ICAM5: variants seen among roughly 807,000 people sequenced by gnomAD.
The protein encoded by ICAM5 is ICAM-5.
ICAM5 carries 38 observed loss-of-function variants against 78.8 expected under a neutral mutation model. That is an observed-to-expected ratio of 0.48 (90% CI 0.37 to 0.63). The LOEUF is 0.63. Among genes scored for constraint, ICAM5 ranks in the 30% least tolerant of loss-of-function variants. ICAM5 has a pLI of 0.00. For synonymous variants in ICAM5, 544 were observed against 590.9 expected (o/e 0.92, Z 1.15); for missense variants, 1,059 against 1,303.0 (o/e 0.81, Z 2.88).
At position 10,294,276 on chromosome 19, in the gene ICAM5, C is replaced by A. The variant is rs1266249015; in HGVS notation, c.1948C>A (p.Arg650Ser). ...PGIYVCNATN[R>S]HGSVAKTVVV... The stretch of plus-strand genomic sequence containing the variant: ...TATCTACGTCTGCAACGCCACCAAC[C>A]GCCACGGCTCCGTGGCCAAAACAGT... Residue 650 changes from arginine to serine, a missense_variant, in exon 8 of 11, where the codon CGC (arginine) becomes AGC (serine). Arg to Ser is a moderately radical substitution (Grantham distance 110). Coordinates refer to ENST00000221980, the MANE Select transcript of ICAM5 (RefSeq NM_003259.4). The surrounding 1 kb of genome is among the most constrained non-coding windows in gnomAD (Gnocchi z 7.7). 1 of 1,613,544 alleles carries A rather than the reference C, an allele frequency of 6.2e-7. No individual in the cohort carries two copies. Among genetic ancestry groups the A allele is most frequent in the Middle Eastern group, 1.7e-4 (1 of 6,060 alleles).
chr19:10,293,787 GTACCGCCGCC>G lies in ICAM5; in HGVS notation c.1557_1566del (p.Pro520MetfsTer2). 1 of 1,613,836 alleles carries G rather than the reference GTACCGCCGCC, an allele frequency of 6.2e-7. No homozygotes were observed. The highest frequency in any genetic ancestry group is 8.5e-7 in the Non-Finnish European group (1 of 1,180,036). ...CTCGCTGAGCTGTGTGGCGCACGGGGTACCGCCGCCTGATGTGATCTGCGTGCGCTCTGGA... is the reference window on the plus strand; with the variant it reads ...CTCGCTGAGCTGTGTGGCGCACGGGGTGATGTGATCTGCGTGCGCTCTGGA... On this transcript the variant is annotated frameshift_variant, in exon 7 of 11. Coordinates refer to ENST00000221980, the MANE Select transcript of ICAM5 (RefSeq NM_003259.4). LOFTEE classifies it high-confidence loss of function. This position sits in a 1 kb window ranked among gnomAD's most constrained non-coding sequence, Gnocchi z 5.0.
rs710845 is a variant in ICAM5, at chr19:10,296,493, G to C, written c.2652G>C (p.Leu884=). ...EAESSGEAVC[L]NGAGGGAGGA... is the part of the protein sequence containing the mutation. ...AGAGCTCAGGCGAGGCCGTGTGTCT[G>C]AACGGAGCGGGCGGCGGCGCTGGCG... The change falls in exon 11 of 11, where the codon CTG becomes CTC. Residue 884 remains leucine (L), a synonymous_variant. Transcript: ENST00000221980. The C allele has an allele frequency of 0.55, 694,994 of 1,271,190 alleles. 191,409 individuals are homozygous for C. Among genetic ancestry groups the C allele is most frequent in the Admixed American group, 0.62 (15,911 of 25,598 alleles). The allele number at this position is 1,271,190 out of a possible 1,614,324, so 78.7% of individuals were successfully genotyped here. A position where few individuals can be genotyped will look rare whatever the true frequency, so the allele number is the denominator to read the frequency against.
In ICAM5 at chr19:10,292,653, T is replaced by A; in HGVS notation, c.1003T>A (p.Ser335Thr). 1 of 1,599,200 alleles carries A rather than the reference T, an allele frequency of 6.3e-7. No homozygotes were observed. Among genetic ancestry groups the A allele is most frequent in the Non-Finnish European group, 8.5e-7 (1 of 1,172,970 alleles). Residue 335 changes from serine (S) to threonine (T), a missense_variant, in exon 5 of 11, where the codon TCC becomes ACC. Ser to Thr is a moderately conservative substitution (Grantham distance 58, BLOSUM62 1). This residue lies in a region of ICAM5 where 815 missense variants were observed against 952.8 expected (regional missense o/e 0.86). Transcript: ENST00000221980. ...CCTGACCCTGAGCGAACCCAGCGTC[T>A]CCGAGGGGCAGATGGTGACAGTAAC... ...PLLTLSEPSV[S>T]EGQMVTVTCA... is the part of the protein sequence containing the mutation.
At chr19:10,292,428 AGGGGCGGGGCAGGT>A in intron 4 of ICAM5, 106 bp downstream of exon 4, 1 of 1,361,176 alleles carries the variant, frequency 7.3e-7, no homozygotes, top group Non-Finnish European at 1.0e-6. Flanking sequence ...GCGTGGCCCG[AGGGGCGGGGCAGGT>A]GGGGGCGGAG....
Position 10,296,378 on chromosome 19 carries a change from GC to G in ICAM5, c.2538del (p.Ala847ArgfsTer38). 7.9e-7 allele frequency: 1 copy of G among 1,257,942 alleles called. No individual in the cohort carries two copies. The highest frequency in any genetic ancestry group is 1.0e-6 in the Non-Finnish European group (1 of 993,816). The allele number at this position is 1,257,942 out of a possible 1,614,324, so 77.9% of individuals were successfully genotyped here. On this transcript the variant is annotated frameshift_variant, in exon 11 of 11. Transcript: ENST00000221980. LOFTEE classifies it high-confidence loss of function. The part of the protein sequence containing the change: ...LWVAVGGAAG[G>X]AALLAAGAGL... ...GTCGCCGTGGGCGGCGCGGCGGGGG[GC>G]GCGGCGCTGCTGGCCGCGGGGGCCG...
At chr19:10,291,386 C>T in intron 2 of ICAM5, 45 bp downstream of exon 2, 1 of 1,606,818 alleles carries the variant, frequency 6.2e-7, no homozygotes, top group African/African-American at 1.3e-5. Context: ...CTCTCCCTCC[C>T]TCCCAGGCCC....
rs764591497 is a variant in ICAM5 at position 10,294,448 on chromosome 19, C to T, written c.2038C>T (p.Leu680=). ...ESTCPSHQTW[L]EGAEASALAC... is the part of the protein sequence containing the mutation. ...TACCTGCCCAAGTCACCAGACGTGG[C>T]TGGAAGGGGCTGAGGCTTCCGCGCT... Residue 680 remains leucine (L), a synonymous_variant, in exon 9 of 11, where the codon CTG becomes TTG. Transcript: ENST00000221980. This position sits in a 1 kb window ranked among gnomAD's most constrained non-coding sequence, Gnocchi z 7.7. The T allele has an allele frequency of 6.2e-7, 1 of 1,610,472 alleles. No homozygotes were observed. The highest frequency in any genetic ancestry group is 8.5e-7 in the Non-Finnish European group (1 of 1,178,842).
rs777087484 is a variant in ICAM5 at position 10,294,658 on chromosome 19, C to A, written c.2230+18C>A. Reference sequence around the variant, plus strand: ...CGTGGAATGTGAGTGGGGGCAGCACCGGATGGAGGGGACACGGTCCTCGGA... The same window carrying A: ...CGTGGAATGTGAGTGGGGGCAGCACAGGATGGAGGGGACACGGTCCTCGGA... On this transcript the variant is annotated intron_variant, in intron 9 of 10. Coordinates refer to ENST00000221980, the MANE Select transcript of ICAM5 (RefSeq NM_003259.4). This position sits in a 1 kb window ranked among gnomAD's most constrained non-coding sequence, Gnocchi z 7.7. 3 of 1,612,224 alleles carry A rather than the reference C, an allele frequency of 1.9e-6. No homozygotes were observed. Among genetic ancestry groups the A allele is most frequent in the African/African-American group, 1.3e-5 (1 of 74,876 alleles).
Position 10,291,262 on chromosome 19 carries a change from C to T in ICAM5, c.273C>T (p.Arg91=), listed in dbSNP as rs779073267. ...RWLARQLVDI[R]EPETQPVCFF... ...TGGCGCGGCAGCTGGTGGACATTCG[C>T]GAGCCGGAGACTCAGCCCGTCTGCT... The change falls in exon 2 of 11, where the codon CGC becomes CGT. Residue 91 remains arginine (R), a synonymous_variant. Coordinates refer to ENST00000221980, the MANE Select transcript of ICAM5 (RefSeq NM_003259.4). 1.2e-6 allele frequency: 2 copies of T among 1,612,234 alleles called. No homozygotes were observed. The highest frequency in any genetic ancestry group is 1.7e-6 in the Non-Finnish European group (2 of 1,179,930).
chr19:10,294,571 G>T lies in ICAM5; in HGVS notation c.2161G>T (p.Gly721Cys). ...EQQRVSREDAGTYHCVATNAH... is the reference protein window; with the variant it reads ...EQQRVSREDACTYHCVATNAH... ...GCAGCGCGTGTCCCGAGAGGACGCG[G>T]GCACTTACCACTGTGTGGCCACCAA... Residue 721 changes from glycine (G) to cysteine (C), a missense_variant, in exon 9 of 11, where the codon GGC becomes TGC. By Grantham distance (159) the Gly-to-Cys change is radical (BLOSUM62 -3). Around this residue, in one of 3 missense-constraint regions of ICAM5, gnomAD observed 135 missense variants for 230.2 expected, o/e 0.59. Coordinates refer to ENST00000221980, the MANE Select transcript of ICAM5 (RefSeq NM_003259.4). This position sits in a 1 kb window ranked among gnomAD's most constrained non-coding sequence, Gnocchi z 7.7. The T allele has an allele frequency of 6.2e-7, 1 of 1,612,840 alleles. No homozygotes were observed. Among genetic ancestry groups the T allele is most frequent in the Non-Finnish European group, 8.5e-7 (1 of 1,179,748 alleles).
Position 10,292,116 on chromosome 19 carries a change from A to T in ICAM5, c.755A>T (p.Asp252Val). The T allele has an allele frequency of 1.9e-6, 3 of 1,613,272 alleles. No individual in the cohort carries two copies. Among genetic ancestry groups the T allele is most frequent in the African/African-American group, 1.3e-5 (1 of 75,016 alleles). ...GSERPVSCTLDGLFPASEARV... is the reference protein window; with the variant it reads ...GSERPVSCTLVGLFPASEARV... The stretch of plus-strand genomic sequence containing the variant: ...GAAAGGCCCGTGAGCTGCACTCTGG[A>T]CGGACTGTTTCCAGCCTCAGAGGCC... The change falls in exon 4 of 11, where the codon GAC becomes GTC. Residue 252 changes from aspartate to valine, a missense_variant. Asp to Val is a radical substitution (Grantham distance 152). Coordinates refer to ENST00000221980, the MANE Select transcript of ICAM5 (RefSeq NM_003259.4).
rs760725113 is a variant in ICAM5, at chr19:10,293,828, C to A, written c.1596C>A (p.Leu532=). 1.9e-6 allele frequency: 3 copies of A among 1,613,086 alleles called. No individual in the cohort carries two copies. Among genetic ancestry groups the A allele is most frequent in the Non-Finnish European group, 2.5e-6 (3 of 1,180,018 alleles). ...TGATCTGCGTGCGCTCTGGAGAACTCGGGGCCGTCATCGAGGGGCTGTTGC... is the reference window on the plus strand; with the variant it reads ...TGATCTGCGTGCGCTCTGGAGAACTAGGGGCCGTCATCGAGGGGCTGTTGC... ...PDVICVRSGE[L]GAVIEGLLRV... is the part of the protein sequence containing the mutation. The change falls in exon 7 of 11, where the codon CTC becomes CTA. Residue 532 remains leucine (L), a synonymous_variant. Transcript: ENST00000221980. This position sits in a 1 kb window ranked among gnomAD's most constrained non-coding sequence, Gnocchi z 5.0.
At position 10,294,454 on chromosome 19, in the gene ICAM5, G is replaced by T; in HGVS notation, c.2044G>T (p.Gly682Trp). The part of the protein sequence containing the change: ...TCPSHQTWLE[G>W]AEASALACAA... ...CCCAAGTCACCAGACGTGGCTGGAA[G>T]GGGCTGAGGCTTCCGCGCTGGCCTG... The change falls in exon 9 of 11, where the codon GGG becomes TGG. Residue 682 changes from glycine (G) to tryptophan (W), a missense_variant. Physicochemically the swap from Gly to Trp is radical, Grantham distance 184. Around this residue, in one of 3 missense-constraint regions of ICAM5, gnomAD observed 815 missense variants for 952.8 expected, o/e 0.86. Transcript: ENST00000221980. The surrounding 1 kb of genome is among the most constrained non-coding windows in gnomAD (Gnocchi z 7.7). 1 of 1,609,166 alleles carries T rather than the reference G, an allele frequency of 6.2e-7. No individual in the cohort carries two copies. The highest frequency in any genetic ancestry group is 8.5e-7 in the Non-Finnish European group (1 of 1,178,052).
chr19:10,293,637 G>A lies in ICAM5; in HGVS notation c.1466-61G>A, dbSNP rs2040194815. The A allele has an allele frequency of 1.3e-6, 2 of 1,577,660 alleles. No individual in the cohort carries two copies. Among genetic ancestry groups the A allele is most frequent in the Admixed American group, 1.7e-5 (1 of 57,172 alleles). ...GTGGAAGCCTTGCCGCGCCAAGGAG[G>A]GTCTAGGGACGTCAGATTTGCCCCC... On this transcript the variant is annotated intron_variant, in intron 6 of 10. Transcript: ENST00000221980. The surrounding 1 kb of genome is among the most constrained non-coding windows in gnomAD (Gnocchi z 5.0).
chr19:10,293,310 A>G lies in ICAM5; in HGVS notation c.1465+64A>G. ...AAGGTCTGGAGGGTGGCCAGCCTCC[A>G]GGGAAGAGTAGGAGTAGGGTATGAG... On this transcript the variant is annotated intron_variant, in intron 6 of 10. Coordinates refer to ENST00000221980, the MANE Select transcript of ICAM5 (RefSeq NM_003259.4). This position sits in a 1 kb window ranked among gnomAD's most constrained non-coding sequence, Gnocchi z 5.0. The G allele has an allele frequency of 6.6e-7, 1 of 1,517,536 alleles. No individual in the cohort carries two copies. The highest frequency in any genetic ancestry group is 2.1e-5 in the Admixed American group (1 of 46,656). 94.0% of individuals were successfully genotyped at this position (1,517,536 alleles called of 1,614,324 possible).
chr19:10,291,646 C>T lies in ICAM5; in HGVS notation c.510C>T (p.Ala170=), dbSNP rs778145869. 6.2e-7 allele frequency: 1 copy of T among 1,611,778 alleles called. No individual in the cohort carries two copies. The highest frequency in any genetic ancestry group is 1.1e-5 in the South Asian group (1 of 91,016). Reference sequence around the variant, plus strand: ...AGGAGCTGATCCGCCGCAGCTTCGCCGGTGAACCACCCCGAGCGCGGGGCG... The same window carrying T: ...AGGAGCTGATCCGCCGCAGCTTCGCTGGTGAACCACCCCGAGCGCGGGGCG... ...GAQELIRRSF[A]GEPPRARGAV... Residue 170 remains alanine, a synonymous_variant, in exon 3 of 11, where the codon GCC becomes GCT. Coordinates refer to ENST00000221980, the MANE Select transcript of ICAM5 (RefSeq NM_003259.4).
rs369467933 is a variant in ICAM5, at chr19:10,294,010, C to T, written c.1712-30C>T. 1 of 1,588,500 alleles carries T rather than the reference C, an allele frequency of 6.3e-7. No individual in the cohort carries two copies. Among genetic ancestry groups the T allele is most frequent in the Non-Finnish European group, 8.6e-7 (1 of 1,164,608 alleles). ...AACCCCGGCTGGACTTCCTGGCCCC[C>T]GTGTGAGCCCCTGCAATCCTGTTTC... On this transcript the variant is annotated intron_variant, in intron 7 of 10. Transcript: ENST00000221980. This position sits in a 1 kb window ranked among gnomAD's most constrained non-coding sequence, Gnocchi z 7.7.
chr19:10,290,351 T>C lies in ICAM5; in HGVS notation c.82+226T>C. 4.1e-6 allele frequency: 2 copies of C among 483,292 alleles called. No homozygotes were observed. Among genetic ancestry groups the C allele is most frequent in the East Asian group, 6.9e-5 (2 of 28,790 alleles). 29.9% of individuals were successfully genotyped at this position (483,292 alleles called of 1,614,324 possible). ...ACCCGCTTCGAGATCCTAGGTGTTC[T>C]TCCGCACCCAACCCTTCGCCCTGGA... On this transcript the variant is annotated intron_variant, in intron 1 of 10. Coordinates refer to ENST00000221980, the MANE Select transcript of ICAM5 (RefSeq NM_003259.4). The surrounding 1 kb of genome is among the most constrained non-coding windows in gnomAD (Gnocchi z 5.7).
chr19:10,292,509 T>C, intron 4 of ICAM5, 103 bp from the exon 5 acceptor site: 4 of 1,452,330 alleles, frequency 2.8e-6, no homozygotes, highest in Non-Finnish European at 2.8e-6. Context: ...CGCCGTACCC[T>C]AGTTCGTTCT....
Sources: gnomAD v4.1 joint callset for allele counts on GRCh38, gnomAD v4.1.1 for gene constraint, gnomAD v4.1.1 regional missense constraint, Gnocchi (gnomAD v3.1) non-coding constraint, MANE v1.5 for transcripts, NCBI Gene and HGNC (gene_info 2026-07-23, HGNC 2026-07-21) for gene names.